The following COPG2 variants were observed in gnomAD, a reference collection of about 807,000 sequenced individuals.
COPG2 encodes coat protein complex I subunit gamma 2, also known as coatomer subunit gamma-2.
COPG2 carries 37 observed loss-of-function variants against 46.3 expected under a neutral mutation model. That is an observed-to-expected ratio of 0.80 (90% CI 0.61 to 1.05). The LOEUF (loss-of-function observed/expected upper bound fraction) is 1.05, where lower values mean the gene tolerates loss of function less well. COPG2 is among the 50% of genes least tolerant of loss of function. The pLI, the probability that COPG2 is intolerant of heterozygous loss-of-function variation, is 0.00. For missense variants in COPG2, 427 were observed against 387.8 expected, an observed-to-expected ratio of 1.10 and a Z score of -0.85; for synonymous variants, 159 against 129.7, an observed-to-expected ratio of 1.23 and a Z score of -1.53.
chr7:130,534,472 A>C (rs1454911275), intron 20 of COPG2, among the ~76,000 whole-genome samples: 1 of 152,132 alleles, frequency 6.6e-6, no homozygotes, highest in Non-Finnish European at 1.5e-5. Flanking sequence ...TTTCGAAGCA[A>C]AATATCCACA....
At chr7:130,519,758 C>T (rs911827818) in intron 20 of COPG2, among the ~76,000 whole-genome samples, 22 of 152,134 alleles carry the variant, frequency 1.4e-4, no homozygotes, top group African/African-American at 5.1e-4. Flanking sequence ...ATAAATGGGA[C>T]GTTGTATGAA....
chr7:130,615,444 C>T lies in COPG2; in HGVS notation c.399+1546G>A, dbSNP rs372247004. ...AATGAATGCACTTCATCTATGTCTT[C>T]GTTATAGATGCTAAAGGGGAAGTTT... On this transcript the variant is annotated intron_variant, in intron 6 of 23. Coordinates refer to ENST00000425248, the MANE Select transcript of COPG2 (RefSeq NM_012133.6). 1.2e-4 allele frequency among the ~76,000 whole-genome samples: 18 copies of T among 152,240 alleles called. 1 individual carries two copies. The highest frequency in any genetic ancestry group is 9.6e-4 in the East Asian group (5 of 5,182).
intron 8 of COPG2, 76 bp from the exon 9 acceptor site, chr7:130,611,186 G>A (rs191698380): frequency 1.1e-5 from 14 of 1,325,872 alleles, no homozygotes; most frequent in East Asian, 4.7e-5. Flanking sequence ...AGAATTACAC[G>A]GAACTAGATT....
rs2116491944 is a variant in COPG2, at chr7:130,606,600, T to C, written c.737+4353A>G. Among the ~76,000 whole-genome samples, 4 of 152,356 alleles carry C rather than the reference T, an allele frequency of 2.6e-5. No homozygotes were observed. In the South Asian group the frequency reaches 8.3e-4, roughly 32 times the overall value. ...GTAAACGATGAAGTTGGATATTTACTTGAGGAAAATTCCAAAAATGAAGAT... is the reference window on the plus strand; with the variant it reads ...GTAAACGATGAAGTTGGATATTTACCTGAGGAAAATTCCAAAAATGAAGAT... On this transcript the variant is annotated intron_variant, in intron 9 of 23. Coordinates refer to ENST00000425248, the MANE Select transcript of COPG2 (RefSeq NM_012133.6).
At chr7:130,579,043 T>C (rs375612311) in intron 9 of COPG2, among the ~76,000 whole-genome samples, 4,318 of 107,882 alleles carry the variant, frequency 0.04, 126 homozygotes, top group Admixed American at 0.084. Flanking sequence ...AGACACATAA[T>C]TGTCAGATTC....
intron 5 of COPG2, among the ~76,000 whole-genome samples, chr7:130,633,114 T>C (rs1285991452): frequency 2.0e-5 from 3 of 152,194 alleles, no homozygotes; most frequent in Admixed American, 1.3e-4. Context: ...ATGGTGTATA[T>C]GTGCCACATT....
chr7:130,658,008 A>G (rs1795891518), intron 4 of COPG2, among the ~76,000 whole-genome samples: 1 of 152,212 alleles, frequency 6.6e-6, no homozygotes, highest in Non-Finnish European at 1.5e-5. Context: ...TAAACATACC[A>G]TACCTACATA....
At chr7:130,551,889 T>A (rs1793538425) in intron 15 of COPG2, among the ~76,000 whole-genome samples, 1 of 152,250 alleles carries the variant, frequency 6.6e-6, no homozygotes, top group Non-Finnish European at 1.5e-5. Flanking sequence ...CTATTATTTT[T>A]AACTCTGCAT....
chr7:130,513,310 TA>T (rs1799633881), intron 20 of COPG2, among the ~76,000 whole-genome samples: 2 of 39,794 alleles, frequency 5.0e-5, no homozygotes, highest in African/African-American at 1.9e-4. Context: ...AAAAAAAAAA[TA>T]TATATATATA....
At chr7:130,570,311 ACT>A (rs1236539825) in intron 9 of COPG2, among the ~76,000 whole-genome samples, 1 of 152,030 alleles carries the variant, frequency 6.6e-6, no homozygotes, top group Non-Finnish European at 1.5e-5. Flanking sequence ...AACCCTAAAA[ACT>A]CATCCAAAAA....
chr7:130,611,226 T>A (rs1794843194), intron 8 of COPG2, 116 bp from the exon 9 acceptor site: 1 of 908,994 alleles, frequency 1.1e-6, no homozygotes, highest in South Asian at 1.8e-5. Flanking sequence ...CCAGGTCACA[T>A]GTACACAAAT....
intron 20 of COPG2, among the ~76,000 whole-genome samples, chr7:130,546,346 T>G (rs1793443321): frequency 6.6e-6 from 1 of 152,124 alleles, no homozygotes; most frequent in Non-Finnish European, 1.5e-5. Flanking sequence ...GTGGACATAT[T>G]TCAGACAAAT....
rs889564180 is a variant in COPG2, at chr7:130,527,564, G to A, written c.2150-18905C>T. ...GTGTTCAGCTCAGAAAAAGTAAGGGGAAAAAAAAGCAATCTCTAAAAGGAA... is the reference window on the plus strand; with the variant it reads ...GTGTTCAGCTCAGAAAAAGTAAGGGAAAAAAAAAGCAATCTCTAAAAGGAA... On this transcript the variant is annotated intron_variant, in intron 20 of 23. Transcript: ENST00000425248. 7.8e-3 allele frequency among the ~76,000 whole-genome samples: 1,182 copies of A among 151,480 alleles called. 7 individuals are homozygous for A. The highest frequency in any genetic ancestry group is 0.016 in the South Asian group (77 of 4,776).
At chr7:130,604,804 GT>G in intron 9 of COPG2, 3 of 481,288 alleles carry the variant, frequency 6.2e-6, no homozygotes, top group Admixed American at 2.3e-5. Context: ...GTTTAGTGGA[GT>G]TTTTTTGTAC....
intron 20 of COPG2, among the ~76,000 whole-genome samples, chr7:130,520,838 G>A (rs1799717897): frequency 6.6e-6 from 1 of 152,050 alleles, no homozygotes; most frequent in Non-Finnish European, 1.5e-5. Flanking sequence ...ATTGTTCCTT[G>A]CAGTATAGAA....
rs1554452220 is a variant in COPG2, at chr7:130,612,236, G to A, written c.495C>T (p.His165=). ...VSSSALVSSL[H]MMKISYDVVK... ...CCACATCATAGCTTATCTTCATCAT[G>A]TGCTAAATACAGAAAAAAAAAAATG... Residue 165 remains histidine, a splice_region_variant and synonymous_variant, in exon 8 of 24, where the codon CAC becomes CAT. Coordinates refer to ENST00000425248, the MANE Select transcript of COPG2 (RefSeq NM_012133.6). 2 of 1,536,478 alleles carry A rather than the reference G, an allele frequency of 1.3e-6. No individual in the cohort carries two copies. Among genetic ancestry groups the A allele is most frequent in the Non-Finnish European group, 8.7e-7 (1 of 1,144,748 alleles).
In COPG2 at chr7:130,612,362, A is replaced by G. The variant is rs1300678501; in HGVS notation, c.493-124T>C. ...AGAGGAAGAAAACTATGTAGCTCTTATAAGTCTATTTTGTGTCTTTACTCC... is the reference window on the plus strand; with the variant it reads ...AGAGGAAGAAAACTATGTAGCTCTTGTAAGTCTATTTTGTGTCTTTACTCC... On this transcript the variant is annotated intron_variant, in intron 7 of 23. Transcript: ENST00000425248. 31 of 625,452 alleles carry G rather than the reference A, an allele frequency of 5.0e-5. No homozygotes were observed. In the South Asian group the frequency reaches 5.4e-4, roughly 11 times the overall value. The allele number at this position is 625,452 out of a possible 1,614,324, so 38.7% of individuals were successfully genotyped here.
At position 130,552,539 on chromosome 7, in the gene COPG2, C is replaced by T. The variant is rs2116388972; in HGVS notation, c.1469-109G>A. 9 of 394,650 alleles carry T rather than the reference C, an allele frequency of 2.3e-5. No homozygotes were observed. The East Asian group carries it at 3.2e-4, about 14-fold the overall frequency. 24.4% of individuals were successfully genotyped at this position (394,650 alleles called of 1,614,324 possible). ...TGTCCCCATGTTCAGTGGAGATAAA[C>T]TCCCTTGTTTTATTGAGTGTTTCTT... On this transcript the variant is annotated intron_variant, in intron 14 of 23. Coordinates refer to ENST00000425248, the MANE Select transcript of COPG2 (RefSeq NM_012133.6).
intron 9 of COPG2, among the ~76,000 whole-genome samples, chr7:130,604,976 G>A (rs1195861011): frequency 6.6e-6 from 1 of 152,114 alleles, no homozygotes; most frequent in Non-Finnish European, 1.5e-5. Context: ...TTTACTGTTA[G>A]ATCAACCTTA....
Sources: allele counts gnomAD v4.1 joint callset (sites outside exome capture counted in the v4.1 genomes callset), GRCh38; gene constraint gnomAD v4.1.1; transcripts MANE v1.5; gene names NCBI Gene and HGNC (gene_info 2026-07-23, HGNC 2026-07-21).